Variants in ANKS1A observed in about 807,000 individuals in gnomAD.
ANKS1A encodes ankyrin repeat and sterile alpha motif domain containing 1A.
Under a neutral mutation model 120.3 loss-of-function variants are expected in ANKS1A, and 55 were observed. That is an observed-to-expected ratio of 0.46 (90% CI 0.37 to 0.57). The LOEUF is 0.57. Among genes scored for constraint, ANKS1A ranks in the 20% least tolerant of loss-of-function variants. The pLI is 0.00. For synonymous variants in ANKS1A, 590 were observed against 604.7 expected (o/e 0.98, Z 0.36); for missense variants, 1,123 against 1,480.3 (o/e 0.76, Z 3.96).
At chr6:34,962,873 T>C (rs116593351) in intron 1 of ANKS1A, among the ~76,000 whole-genome samples, 420 of 151,836 alleles carry the variant, frequency 2.8e-3, no homozygotes, top group Non-Finnish European at 4.6e-3. Flanking sequence ...CTTTTTTTTT[T>C]TCTTTTGAGA....
In ANKS1A at chr6:34,983,396, G is replaced by T. The variant is rs747238008; in HGVS notation, c.983G>T (p.Ser328Ile). 6.2e-7 allele frequency: 1 copy of T among 1,613,594 alleles called. No homozygotes were observed. Among genetic ancestry groups the T allele is most frequent in the African/African-American group, 1.3e-5 (1 of 74,738 alleles). ...CCACCCCAGCCACCTCTCATCTCCA[G>T]TATGGACTCCATATCACAGAAGTCT... ...TPPPQPPLIS[S>I]MDSISQKSQG... Residue 328 changes from serine to isoleucine, a missense_variant, in exon 7 of 24, where the codon AGT (serine) becomes ATT (isoleucine). Ser to Ile is a moderately radical substitution (Grantham distance 142, BLOSUM62 -2). Around this residue, in one of 3 missense-constraint regions of ANKS1A, gnomAD observed 904 missense variants for 1,130.4 expected, o/e 0.80. Transcript: ENST00000360359.
chr6:35,019,847 C>T (rs573142364), intron 11 of ANKS1A, among the ~76,000 whole-genome samples: 1 of 151,850 alleles, frequency 6.6e-6, no homozygotes, highest in African/African-American at 2.4e-5. Flanking sequence ...TTTAAAAAAT[C>T]AGTGGGTGGG....
rs183620413 is a variant in ANKS1A at position 35,028,562 on chromosome 6, A to T, written c.2010+10503A>T. Among the ~76,000 whole-genome samples the T allele has an allele frequency of 2.6e-5, 4 of 152,342 alleles. No homozygotes were observed. In the East Asian group the frequency reaches 7.7e-4, roughly 29 times the overall value. ...TACCAAAGACTATATAGTGAAAAATAAGTCTTCCAGATTTTCAGTTCTTCT... is the reference window on the plus strand; with the variant it reads ...TACCAAAGACTATATAGTGAAAAATTAGTCTTCCAGATTTTCAGTTCTTCT... On this transcript the variant is annotated intron_variant, in intron 11 of 23. Transcript: ENST00000360359.
intron 1 of ANKS1A, among the ~76,000 whole-genome samples, chr6:34,948,222 A>C (rs1769900135): frequency 1.3e-5 from 2 of 152,040 alleles, no homozygotes; most frequent in Admixed American, 1.3e-4. Context: ...AGTTGCAACT[A>C]AGTGGCTACA....
At chr6:35,087,874 C>G (rs1277462185) in intron 23 of ANKS1A, among the ~76,000 whole-genome samples, 1 of 152,228 alleles carries the variant, frequency 6.6e-6, no homozygotes, top group Non-Finnish European at 1.5e-5. Flanking sequence ...GTGTGGACAG[C>G]CCCTCTATCT....
chr6:34,982,739 G>C lies in ANKS1A; in HGVS notation c.733-13G>C. ...TGATGACATCCCGCTCTGCGCTCTCGTTTGCTTTCCAGACGGAGATGGGCA... is the reference window on the plus strand; with the variant it reads ...TGATGACATCCCGCTCTGCGCTCTCCTTTGCTTTCCAGACGGAGATGGGCA... On this transcript the variant is annotated splice_polypyrimidine_tract_variant and intron_variant, in intron 4 of 23. Coordinates refer to ENST00000360359, the MANE Select transcript of ANKS1A (RefSeq NM_015245.3). This position sits in a 1 kb window ranked among gnomAD's most constrained non-coding sequence, Gnocchi z 4.9. 1 of 1,614,198 alleles carries C rather than the reference G, an allele frequency of 6.2e-7. No homozygotes were observed. The highest frequency in any genetic ancestry group is 8.5e-7 in the Non-Finnish European group (1 of 1,180,026).
At chr6:34,946,890 C>T (rs1769825859) in intron 1 of ANKS1A, among the ~76,000 whole-genome samples, 1 of 152,112 alleles carries the variant, frequency 6.6e-6, no homozygotes, top group Non-Finnish European at 1.5e-5. Context: ...ATCTAGCAGA[C>T]CGTCAATTGA....
rs569068133 is a variant in ANKS1A at position 34,913,641 on chromosome 6, T to C, written c.197+24042T>C. On this transcript the variant is annotated intron_variant, in intron 1 of 23. Transcript: ENST00000360359. ...TAGTTTGTTGTTGTTGTTGTTGTTG[T>C]TGTTGTTGTTTTTGAGACAGAGTTT... Among the ~76,000 whole-genome samples, 6 of 152,236 alleles carry C rather than the reference T, an allele frequency of 3.9e-5. No individual in the cohort carries two copies. In the South Asian group the frequency reaches 1.2e-3, roughly 32 times the overall value.
chr6:34,950,800 AG>A (rs1581738155), intron 1 of ANKS1A, among the ~76,000 whole-genome samples: 2 of 151,924 alleles, frequency 1.3e-5, no homozygotes, highest in East Asian at 3.9e-4. Context: ...GTGGTGGGTG[AG>A]GCTGGTTGTG....
intron 11 of ANKS1A, among the ~76,000 whole-genome samples, chr6:35,025,943 C>T (rs932704825): frequency 6.6e-6 from 1 of 152,144 alleles, no homozygotes; most frequent in Non-Finnish European, 1.5e-5. Flanking sequence ...AGGGCACCAT[C>T]AAGCACCAGG....
chr6:35,065,851 C>T (rs1776746168), intron 13 of ANKS1A, among the ~76,000 whole-genome samples: 1 of 152,248 alleles, frequency 6.6e-6, no homozygotes. Flanking sequence ...TGCACTGGCT[C>T]AGGCCCCCCA....
intron 1 of ANKS1A, among the ~76,000 whole-genome samples, chr6:34,919,300 T>C (rs951039768): frequency 6.6e-6 from 1 of 152,244 alleles, no homozygotes; most frequent in Non-Finnish European, 1.5e-5. Flanking sequence ...AATACTGACC[T>C]GGAGCACCTT....
At chr6:34,941,502 A>G (rs1294547697) in intron 1 of ANKS1A, among the ~76,000 whole-genome samples, 1 of 152,122 alleles carries the variant, frequency 6.6e-6, no homozygotes, top group Admixed American at 6.5e-5. Context: ...TCCTAGGCTC[A>G]AGCAATCCTC....
intron 10 of ANKS1A, among the ~76,000 whole-genome samples, chr6:34,996,543 G>T (rs1772862543): frequency 6.6e-6 from 1 of 151,474 alleles, no homozygotes; most frequent in African/African-American, 2.4e-5. Context: ...CCCAATCTCA[G>T]CTCACTGCAA....
At chr6:35,091,783 T>C (rs1778314791), downstream of ANKS1A, among the ~76,000 whole-genome samples, 1 of 152,208 alleles carries the variant, frequency 6.6e-6, no homozygotes, top group Non-Finnish European at 1.5e-5. Flanking sequence ...TCTAGAGCTG[T>C]GAAAGAAAGT....
In ANKS1A at chr6:35,058,387, G is replaced by T. The variant is rs1776316119; in HGVS notation, c.2078-1760G>T. 6.6e-6 allele frequency: 1 copy of T among 152,238 alleles called. No individual in the cohort carries two copies. The highest frequency in any genetic ancestry group is 2.4e-5 in the African/African-American group (1 of 41,454). The allele number at this position is 152,238 out of a possible 1,614,324, so 9.4% of individuals were successfully genotyped here. On this transcript the variant is annotated intron_variant, in intron 12 of 23. Transcript: ENST00000360359. This position sits in a 1 kb window ranked among gnomAD's most constrained non-coding sequence, Gnocchi z 5.1. ...GACACTTGACTTCATGGGCATAGAA[G>T]AACCTGCCACGTAGGCTCCTGGAGC...
At chr6:35,063,023 G>A (rs983156182) in intron 13 of ANKS1A, among the ~76,000 whole-genome samples, 2 of 152,168 alleles carry the variant, frequency 1.3e-5, no homozygotes, top group African/African-American at 4.8e-5. Flanking sequence ...TTCTCCTCTT[G>A]TGATGTGGTG....
chr6:34,994,531 G>C, intron 10 of ANKS1A, 109 bp downstream of exon 10: 1 of 1,483,198 alleles, frequency 6.7e-7, no homozygotes, highest in Non-Finnish European at 9.1e-7. Flanking sequence ...TTGGGTTGTG[G>C]TGGTTGGGTT....
chr6:35,020,898 A>G (rs1774300815), intron 11 of ANKS1A, among the ~76,000 whole-genome samples: 1 of 152,198 alleles, frequency 6.6e-6, no homozygotes, highest in Non-Finnish European at 1.5e-5. Context: ...CTGAAATGCA[A>G]AAGCCCTGCT....
Sources: allele counts gnomAD v4.1 joint callset (sites outside exome capture counted in the v4.1 genomes callset), GRCh38; gene constraint gnomAD v4.1.1; regional missense constraint gnomAD v4.1.1; non-coding constraint Gnocchi (gnomAD v3.1); transcripts MANE v1.5; gene names NCBI Gene and HGNC (gene_info 2026-07-23, HGNC 2026-07-21).